Variants in TOR1AIP1 observed in about 807,000 individuals in gnomAD.
The protein encoded by TOR1AIP1 is torsin 1A interacting protein 1.
Under a neutral mutation model 63.3 loss-of-function variants are expected in TOR1AIP1, and 54 were observed. The ratio of observed to expected loss-of-function variants is 0.85; its 90% CI spans 0.69 to 1.07. TOR1AIP1 has a LOEUF of 1.07. Ranked by LOEUF, TOR1AIP1 falls within the 50% of genes least tolerant of loss-of-function variation. The pLI is 0.00. For synonymous variants in TOR1AIP1, 294 were observed against 273.5 expected (o/e 1.07, Z -0.74); for missense variants, 736 against 715.0 (o/e 1.03, Z -0.33).
At chr1:179,916,196 G>A (rs958862178) in intron 9 of TOR1AIP1, among the ~76,000 whole-genome samples, 4 of 152,132 alleles carry the variant, frequency 2.6e-5, no homozygotes, top group African/African-American at 9.7e-5. Context: ...GTACAGTTTG[G>A]TGCCACTGCC....
chr1:179,912,399 T>C (rs983450315), intron 8 of TOR1AIP1, among the ~76,000 whole-genome samples: 1 of 152,194 alleles, frequency 6.6e-6, no homozygotes, highest in African/African-American at 2.4e-5. Flanking sequence ...ATAGCAGTTA[T>C]ACTTTGGACA....
chr1:179,915,378 G>A (rs926190381), intron 9 of TOR1AIP1, among the ~76,000 whole-genome samples: 1 of 152,212 alleles, frequency 6.6e-6, no homozygotes, highest in African/African-American at 2.4e-5. Context: ...ACTGAGGAAT[G>A]CAGATTTTCC....
In TOR1AIP1 at chr1:179,919,612, T is replaced by C. The variant is rs1310320578; in HGVS notation, c.*1373T>C. On this transcript the variant is annotated 3_prime_UTR_variant, in exon 10 of 10. Transcript: ENST00000606911. ...TAATTGAGCTTTCTCATCTGTCAAA[T>C]GCTATGGTTTTCTTAAAATGTTACA... The C allele has an allele frequency of 6.6e-6, 1 of 152,262 alleles. No individual in the cohort carries two copies. The highest frequency in any genetic ancestry group is 1.5e-5 in the Non-Finnish European group (1 of 68,050). The allele number at this position is 152,262 out of a possible 1,614,324, so 9.4% of individuals were successfully genotyped here.
chr1:179,899,003 A>G (rs551306525), intron 3 of TOR1AIP1, among the ~76,000 whole-genome samples: 8 of 152,282 alleles, frequency 5.3e-5, no homozygotes, highest in African/African-American at 1.7e-4. Context: ...TCAAAGCTTG[A>G]CTAGTATTAT....
intron 3 of TOR1AIP1, among the ~76,000 whole-genome samples, chr1:179,891,129 A>C (rs1648064364): frequency 6.6e-6 from 1 of 152,216 alleles, no homozygotes; most frequent in African/African-American, 2.4e-5. Context: ...AAAAACATGT[A>C]ATCAATTTAG....
At position 179,909,546 on chromosome 1, in the gene TOR1AIP1, G is replaced by A. The variant is rs553679035; in HGVS notation, c.907+873G>A. On this transcript the variant is annotated intron_variant, in intron 8 of 9. Transcript: ENST00000606911. ...CTGCCTCAGCCTCCCAAGTAGCCAGGACTACAGGCGCGTACCACCACACCC... is the reference window on the plus strand; with the variant it reads ...CTGCCTCAGCCTCCCAAGTAGCCAGAACTACAGGCGCGTACCACCACACCC... Among the ~76,000 whole-genome samples, 258 of 152,132 alleles carry A rather than the reference G, an allele frequency of 1.7e-3. 1 individual carries two copies. The highest frequency in any genetic ancestry group is 5.9e-3 in the African/African-American group (243 of 41,500).
intron 3 of TOR1AIP1, among the ~76,000 whole-genome samples, chr1:179,890,123 C>CA (rs1204873817): frequency 1.3e-5 from 2 of 152,078 alleles, no homozygotes; most frequent in Non-Finnish European, 2.9e-5. Flanking sequence ...ATACTGCTAA[C>CA]AAAAAATTCA....
intron 8 of TOR1AIP1, chr1:179,913,686 C>G (rs561902354): frequency 1.4e-6 from 1 of 701,450 alleles, no homozygotes; most frequent in East Asian, 2.7e-5. Context: ...CTTTTTATCC[C>G]GGAAGTTTCA....
intron 6 of TOR1AIP1, chr1:179,904,916 C>A (rs751681591): frequency 6.6e-6 from 1 of 152,188 alleles, no homozygotes; most frequent in Non-Finnish European, 1.5e-5. Flanking sequence ...TGAACCATTG[C>A]GCCCAGCCAC....
chr1:179,913,078 G>C (rs1648889875), intron 8 of TOR1AIP1, among the ~76,000 whole-genome samples: 1 of 151,932 alleles, frequency 6.6e-6, no homozygotes, highest in Non-Finnish European at 1.5e-5. Flanking sequence ...AAGAAAGATG[G>C]AAGGGAAAGG....
chr1:179,895,387 TG>T (rs1376781613), intron 3 of TOR1AIP1, among the ~76,000 whole-genome samples: 1 of 151,812 alleles, frequency 6.6e-6, no homozygotes, highest in Non-Finnish European at 1.5e-5. Context: ...CCAAGGCAGG[TG>T]GATCGCTTGA....
intron 3 of TOR1AIP1, among the ~76,000 whole-genome samples, chr1:179,890,384 C>A (rs1648032822): frequency 6.6e-6 from 1 of 152,098 alleles, no homozygotes; most frequent in South Asian, 2.1e-4. Flanking sequence ...TTCTCTTTAT[C>A]AAAGAATGAT....
At chr1:179,912,868 C>T (rs1648883201) in intron 8 of TOR1AIP1, among the ~76,000 whole-genome samples, 2 of 152,200 alleles carry the variant, frequency 1.3e-5, no homozygotes, top group Admixed American at 1.3e-4. Context: ...CAGTGTTTCT[C>T]AAATGAAAGT....
rs188997967 is a variant in TOR1AIP1 at position 179,888,016 on chromosome 1, C to T, written c.554-1297C>T. 71 of 152,226 alleles carry T rather than the reference C, an allele frequency of 4.7e-4. 1 individual carries two copies. The highest frequency in any genetic ancestry group is 1.7e-3 in the African/African-American group (71 of 41,532). 9.4% of individuals were successfully genotyped at this position (152,226 alleles called of 1,614,324 possible). A position where few individuals can be genotyped will look rare whatever the true frequency, so the allele number is the denominator to read the frequency against. ...TCTGGTACCCTGTGTCTTTCAAGTA[C>T]TTTACTTGGCTATGGGATATGTATA... On this transcript the variant is annotated intron_variant, in intron 2 of 9. Transcript: ENST00000606911.
At chr1:179,887,499 T>C (rs1647945858) in intron 2 of TOR1AIP1, among the ~76,000 whole-genome samples, 1 of 152,238 alleles carries the variant, frequency 6.6e-6, no homozygotes, top group Non-Finnish European at 1.5e-5. Flanking sequence ...TTGAAAATGT[T>C]GATTAATTCA....
At position 179,914,190 on chromosome 1, in the gene TOR1AIP1, G is replaced by GTA. The variant is rs1648922079; in HGVS notation, c.964+142_964+143dup. The GTA allele has an allele frequency of 5.4e-6, 4 of 744,028 alleles. No homozygotes were observed. In the African/African-American group the frequency reaches 7.1e-5, roughly 13 times the overall value. The allele number at this position is 744,028 out of a possible 1,614,324, so 46.1% of individuals were successfully genotyped here. A position where few individuals can be genotyped will look rare whatever the true frequency, so the allele number is the denominator to read the frequency against. On this transcript the variant is annotated intron_variant, in intron 9 of 9. Transcript: ENST00000606911. ...CATTTTAAGCACTTGAGAGGAAAAAGTATATATTCTACTAGCAGTGAAATT... is the reference window on the plus strand; with the variant it reads ...CATTTTAAGCACTTGAGAGGAAAAAGTATATATATTCTACTAGCAGTGAAATT...
chr1:179,893,097 T>C (rs1010833776), intron 3 of TOR1AIP1, among the ~76,000 whole-genome samples: 1 of 151,400 alleles, frequency 6.6e-6, no homozygotes, highest in South Asian at 2.1e-4. Context: ...AAAAAATTAG[T>C]CGGGCATGGT....
At chr1:179,893,461 G>C (rs999050352) in intron 3 of TOR1AIP1, among the ~76,000 whole-genome samples, 1 of 151,634 alleles carries the variant, frequency 6.6e-6, no homozygotes, top group Admixed American at 6.6e-5. Flanking sequence ...TCTTTTTTGA[G>C]ACAGAGTCTC....
intron 6 of TOR1AIP1, among the ~76,000 whole-genome samples, chr1:179,907,456 C>G (rs1052343233): frequency 1.4e-5 from 2 of 141,432 alleles, no homozygotes; most frequent in African/African-American, 2.6e-5. Context: ...AAGAATTAAA[C>G]AAAATTATAC....
Sources: allele counts gnomAD v4.1 joint callset (sites outside exome capture counted in the v4.1 genomes callset), GRCh38; gene constraint gnomAD v4.1.1; transcripts MANE v1.5; gene names NCBI Gene and HGNC (gene_info 2026-07-23, HGNC 2026-07-21).